Variants in RARB observed in about 807,000 individuals in gnomAD.
RARB encodes the protein HBV-activated protein.
In RARB, 17 loss-of-function variants were observed where a neutral mutation model predicts 51.9. The observed-to-expected ratio is 0.33, with a 90% CI of 0.22 to 0.49. The LOEUF is 0.49. Ranked by LOEUF, RARB falls within the 20% of genes least tolerant of loss-of-function variation. RARB has a pLI of 0.99. For missense variants in RARB, 369 were observed against 550.8 expected (o/e 0.67, Z 3.30); for synonymous variants, 215 against 195.4 (o/e 1.10, Z -0.84).
chr3:25,367,555 C>A (rs1343982388), intron 5 of RARB, among the ~76,000 whole-genome samples: 1 of 151,732 alleles, frequency 6.6e-6, no homozygotes, highest in African/African-American at 2.4e-5. Flanking sequence ...GTGGCTCATA[C>A]CTTTAACCTC....
chr3:25,000,475 A>G (rs939868438), intron 2 of RARB, among the ~76,000 whole-genome samples: 2 of 152,038 alleles, frequency 1.3e-5, no homozygotes, highest in Admixed American at 1.3e-4. Flanking sequence ...ATCTTATTTC[A>G]GGGTTTTTCC....
rs561841397 is a variant in RARB at position 24,956,027 on chromosome 3, A to G, written c.-380+97275A>G. On this transcript the variant is annotated intron_variant, in intron 2 of 11. Coordinates refer to the RARB transcript ENST00000383772. ...GTTGCACTCAGGCTGTCTTCGTCAGATTAGGAAATTCAGAGAGTCCCTGAT... is the reference window on the plus strand; with the variant it reads ...GTTGCACTCAGGCTGTCTTCGTCAGGTTAGGAAATTCAGAGAGTCCCTGAT... Among the ~76,000 whole-genome samples the G allele has an allele frequency of 7.2e-5, 11 of 152,222 alleles. No individual in the cohort carries two copies. In the East Asian group the frequency reaches 2.1e-3, roughly 29 times the overall value.
chr3:25,132,562 A>G (rs1699970295), intron 4 of RARB, among the ~76,000 whole-genome samples: 5 of 151,890 alleles, frequency 3.3e-5, no homozygotes, highest in Admixed American at 3.3e-4. Context: ...CTCTCAAAAA[A>G]CGTTATGCTT....
chr3:25,592,566 C>T (rs1433432935), intron 5 of RARB, among the ~76,000 whole-genome samples: 2 of 152,216 alleles, frequency 1.3e-5, no homozygotes, highest in African/African-American at 2.4e-5. Flanking sequence ...TGAGTATCTA[C>T]AGAAGCAAGG....
At chr3:25,059,799 A>G (rs957320495) in intron 2 of RARB, among the ~76,000 whole-genome samples, 1 of 151,798 alleles carries the variant, frequency 6.6e-6, no homozygotes, top group Admixed American at 6.6e-5. Context: ...TTGTCCCCCC[A>G]AATCAGAGTT....
intron 2 of RARB, among the ~76,000 whole-genome samples, chr3:24,962,246 A>G (rs1026164172): frequency 5.0e-4 from 76 of 152,194 alleles, no homozygotes; most frequent in African/African-American, 1.7e-3. Flanking sequence ...GTGTCTTTTA[A>G]AGAATATCCT....
intron 3 of RARB, among the ~76,000 whole-genome samples, chr3:25,561,565 A>G (rs1034015487): frequency 2.0e-5 from 3 of 151,946 alleles, no homozygotes; most frequent in South Asian, 2.1e-4. Flanking sequence ...CTGGCTCCAG[A>G]TTGATCTAGT....
chr3:25,444,144 G>A, intron 1 of RARB, among the ~76,000 whole-genome samples: 1 of 152,144 alleles, frequency 6.6e-6, no homozygotes, highest in East Asian at 1.9e-4. Flanking sequence ...CCTCAGAGCA[G>A]CCTGAAGAGA....
At chr3:25,062,196 T>G (rs1438088285) in intron 3 of RARB, among the ~76,000 whole-genome samples, 1 of 151,870 alleles carries the variant, frequency 6.6e-6, no homozygotes, top group African/African-American at 2.4e-5. Context: ...TAACTGGATA[T>G]TCTCAGAAGA....
upstream of RARB, among the ~76,000 whole-genome samples, chr3:25,424,344 G>A (rs1195419364): frequency 6.6e-6 from 1 of 152,180 alleles, no homozygotes; most frequent in Non-Finnish European, 1.5e-5. Context: ...AAGTTTCCAT[G>A]TGTTATTACT....
chr3:24,913,220 C>G (rs147074988), intron 2 of RARB, among the ~76,000 whole-genome samples: 3,523 of 151,192 alleles, frequency 0.023, 73 homozygotes, highest in Middle Eastern at 0.092. Context: ...TCCTGACCTC[C>G]TGATCTGCCC....
chr3:25,503,970 C>T (rs1006347440), intron 3 of RARB, among the ~76,000 whole-genome samples: 6 of 152,194 alleles, frequency 3.9e-5, no homozygotes, highest in Non-Finnish European at 8.8e-5. Context: ...ACCAAGACTA[C>T]AGTGAAATCG....
rs976923423 is a variant in RARB at position 25,443,967 on chromosome 3, G to A, written c.157+15079G>A. Among the ~76,000 whole-genome samples, 14 of 151,868 alleles carry A rather than the reference G, an allele frequency of 9.2e-5. 1 individual carries two copies. The highest frequency in any genetic ancestry group is 2.6e-4 in the Admixed American group (4 of 15,234). On this transcript the variant is annotated intron_variant, in intron 1 of 7. Coordinates refer to ENST00000330688, the MANE Select transcript of RARB (RefSeq NM_000965.5). ...ATAATAATAATAAAATAAATAAATC[G>A]CTAAAACAACTCTCAAGAGAAACTT...
At position 25,428,451 on chromosome 3, in the gene RARB, G is replaced by A; in HGVS notation, c.-281G>A. The A allele has an allele frequency of 3.2e-6, 4 of 1,262,810 alleles. No individual in the cohort carries two copies. Among genetic ancestry groups the A allele is most frequent in the Non-Finnish European group, 4.0e-6 (4 of 1,005,704 alleles). 78.2% of individuals were successfully genotyped at this position (1,262,810 alleles called of 1,614,324 possible). A position where few individuals can be genotyped will look rare whatever the true frequency, so the allele number is the denominator to read the frequency against. ...AACGCATTCGGAAGGCTTTTTGCAA[G>A]CATTTACTTGGAAGGAGAACTTGGG... On this transcript the variant is annotated 5_prime_UTR_variant, in exon 1 of 8. Transcript: ENST00000330688.
chr3:24,912,301 T>C (rs1308219647), intron 2 of RARB, among the ~76,000 whole-genome samples: 1 of 152,214 alleles, frequency 6.6e-6, no homozygotes, highest in African/African-American at 2.4e-5. Context: ...TTAGGGAACA[T>C]TTCTGTACCT....
At chr3:25,013,698 A>G (rs1375507985) in intron 2 of RARB, among the ~76,000 whole-genome samples, 2 of 152,092 alleles carry the variant, frequency 1.3e-5, no homozygotes, top group Non-Finnish European at 2.9e-5. Flanking sequence ...GTTAAGTGGT[A>G]CTGACAGAGA....
At chr3:24,971,134 T>G (rs77129709) in intron 2 of RARB, among the ~76,000 whole-genome samples, 1,596 of 152,082 alleles carry the variant, frequency 0.01, 23 homozygotes, top group East Asian at 0.085. Flanking sequence ...TAAATGACAT[T>G]TCTAATGACA....
chr3:24,916,197 G>C (rs1484872729), intron 2 of RARB, among the ~76,000 whole-genome samples: 1 of 152,118 alleles, frequency 6.6e-6, no homozygotes, highest in Non-Finnish European at 1.5e-5. Flanking sequence ...GAAAGCTAGA[G>C]CCCTCTTTAT....
chr3:25,040,373 C>T (rs1374068445), intron 2 of RARB, among the ~76,000 whole-genome samples: 1 of 152,106 alleles, frequency 6.6e-6, no homozygotes, highest in Admixed American at 6.6e-5. Flanking sequence ...AGGGTGGAAT[C>T]CATTACTATG....
Sources: gnomAD v4.1 joint callset for allele counts (sites outside exome capture counted in the v4.1 genomes callset) on GRCh38, gnomAD v4.1.1 for gene constraint, MANE v1.5 for transcripts, NCBI Gene and HGNC (gene_info 2026-07-23, HGNC 2026-07-21) for gene names.